Variants in TG observed in about 807,000 individuals in gnomAD.
TG encodes thyroid hormones.
Under a neutral mutation model 324.7 loss-of-function variants are expected in TG, and 270 were observed. That is an observed-to-expected ratio of 0.83 (90% confidence interval 0.75 to 0.92). The LOEUF is 0.92. Among genes scored for constraint, TG ranks in the 40% least tolerant of loss-of-function variants. The pLI, the probability that TG is intolerant of heterozygous loss-of-function variation, is 0.00. For synonymous variants in TG, 1,401 were observed against 1,327.0 expected, an observed-to-expected ratio of 1.06 and a Z score of -1.21; for missense variants, 3,591 against 3,456.4, an observed-to-expected ratio of 1.04 and a Z score of -0.98.
At chr8:133,066,151 G>A (rs768836190) in intron 41 of TG, among the ~76,000 whole-genome samples, 8 of 151,964 alleles carry the variant, frequency 5.3e-5, no homozygotes, top group Non-Finnish European at 1.0e-4. Flanking sequence ...GTGAAACCCC[G>A]TCTCTACTAA....
At position 133,096,391 on chromosome 8, in the gene TG, C is replaced by T; in HGVS notation, c.7572+18C>T. On this transcript the variant is annotated intron_variant, in intron 43 of 47. Transcript: ENST00000220616. ...CTGTGAAGGTAAGCAGGGAGGGGGC[C>T]TCGGATGTCTCCAGCTGGGCATTTC... 6.2e-7 allele frequency: 1 copy of T among 1,614,008 alleles called. No homozygotes were observed. Among genetic ancestry groups the T allele is most frequent in the Non-Finnish European group, 8.5e-7 (1 of 1,179,912 alleles).
Position 133,019,814 on chromosome 8 carries a change from G to C in TG, c.6876+119G>C, listed in dbSNP as rs1835395294. ...TCTGTGGCCTGCTGAGCTGAGGTTA[G>C]GTGATTTGCCTAAGGACACTCAGTT... On this transcript the variant is annotated intron_variant, in intron 39 of 47. Transcript: ENST00000220616. The C allele has an allele frequency of 3.6e-6, 3 of 836,878 alleles. No homozygotes were observed. The South Asian group carries it at 4.2e-5, about 12-fold the overall frequency. The allele number at this position is 836,878 out of a possible 1,614,324, so 51.8% of individuals were successfully genotyped here.
chr8:132,956,188 G>A (rs991451592), intron 27 of TG, among the ~76,000 whole-genome samples: 5 of 152,132 alleles, frequency 3.3e-5, no homozygotes, highest in African/African-American at 1.2e-4. Flanking sequence ...CTAATTTGGG[G>A]CTAACCTTCT....
intron 41 of TG, among the ~76,000 whole-genome samples, chr8:133,059,628 G>A (rs187795273): frequency 1.6e-4 from 25 of 152,108 alleles, no homozygotes; most frequent in Non-Finnish European, 2.9e-4. Context: ...AGATGTCACA[G>A]GATGGTGCCT....
chr8:133,047,754 C>G (rs1036873339), intron 41 of TG: 1 of 837,154 alleles, frequency 1.2e-6, no homozygotes, highest in African/African-American at 1.7e-5. Flanking sequence ...GAAAATGAAG[C>G]CGTGTAATGA....
Position 133,045,145 on chromosome 8 carries a change from C to A in TG, c.7239+15122C>A, listed in dbSNP as rs1302699413. The A allele has an allele frequency of 2.5e-6, 4 of 1,612,580 alleles. No homozygotes were observed. In the Admixed American group the frequency reaches 6.7e-5, roughly 27 times the overall value. ...AGGAGGTGGAGGATAAGTCAGTGGG[C>A]TCCACCTGTCCTCACCCCAAGGCAC... On this transcript the variant is annotated intron_variant, in intron 41 of 47. Coordinates refer to ENST00000220616, the MANE Select transcript of TG (RefSeq NM_003235.5).
intron 27 of TG, among the ~76,000 whole-genome samples, chr8:132,949,481 C>T (rs780389503): frequency 2.6e-5 from 4 of 152,158 alleles, no homozygotes; most frequent in Non-Finnish European, 5.9e-5. Flanking sequence ...GGGGGACTGC[C>T]AAGTCATGTG....
intron 41 of TG, among the ~76,000 whole-genome samples, chr8:133,057,273 T>TA (rs1201248952): frequency 6.6e-6 from 1 of 152,068 alleles, no homozygotes; most frequent in Admixed American, 6.6e-5. Context: ...AAGGTGGAAA[T>TA]ATGCCATTTC....
chr8:132,950,042 GT>G (rs564675965), intron 27 of TG, among the ~76,000 whole-genome samples: 4 of 152,230 alleles, frequency 2.6e-5, no homozygotes, highest in Non-Finnish European at 5.9e-5. Context: ...AGCCCTCAGG[GT>G]GGGTCCCAGG....
intron 47 of TG, among the ~76,000 whole-genome samples, chr8:133,134,154 G>A (rs1400584483): frequency 6.6e-6 from 1 of 152,196 alleles, no homozygotes; most frequent in African/African-American, 2.4e-5. Flanking sequence ...TAAACACAAT[G>A]CCCTTAGGAA....
chr8:133,009,509 C>G (rs1834313539), intron 35 of TG, among the ~76,000 whole-genome samples: 1 of 151,976 alleles, frequency 6.6e-6, no homozygotes, highest in Non-Finnish European at 1.5e-5. Context: ...CTGGATGAAT[C>G]TTTTCTCTCT....
intron 27 of TG, among the ~76,000 whole-genome samples, chr8:132,955,647 G>A (rs1826755998): frequency 6.6e-6 from 1 of 152,222 alleles, no homozygotes; most frequent in Admixed American, 6.5e-5. Flanking sequence ...AAAGGCCGGT[G>A]GTGGTGGTGT....
intron 37 of TG, among the ~76,000 whole-genome samples, chr8:133,016,657 G>T (rs1270067397): frequency 1.3e-5 from 2 of 152,190 alleles, no homozygotes; most frequent in South Asian, 2.1e-4. Context: ...AAATCTACGT[G>T]TCAGAAATAA....
intron 36 of TG, among the ~76,000 whole-genome samples, chr8:133,012,455 T>G (rs1834606248): frequency 3.3e-5 from 5 of 152,170 alleles, no homozygotes; most frequent in Admixed American, 3.3e-4. Context: ...TGGGAGACAT[T>G]TTTCAATGCA....
chr8:133,017,669 A>G lies in TG; in HGVS notation c.6563-109A>G, dbSNP rs1219765527. 2.7e-6 allele frequency: 3 copies of G among 1,103,254 alleles called. No individual in the cohort carries two copies. In the African/African-American group the frequency reaches 4.6e-5, roughly 17 times the overall value. 68.3% of individuals were successfully genotyped at this position (1,103,254 alleles called of 1,614,324 possible). ...TGAATGATTGACATTTTCAAGGTGCAAAAACCGTGATTTTTCTTTTGTTGA... is the reference window on the plus strand; with the variant it reads ...TGAATGATTGACATTTTCAAGGTGCGAAAACCGTGATTTTTCTTTTGTTGA... On this transcript the variant is annotated intron_variant, in intron 37 of 47. Transcript: ENST00000220616.
chr8:132,897,859 T>G, intron 12 of TG, 73 bp downstream of exon 12: 1 of 1,577,050 alleles, frequency 6.3e-7, no homozygotes, highest in Non-Finnish European at 8.7e-7. Context: ...AGCCCCACAC[T>G]GGGAGGCAAG....
intron 41 of TG, among the ~76,000 whole-genome samples, chr8:133,066,450 C>A (rs1358800048): frequency 2.0e-5 from 3 of 151,994 alleles, no homozygotes; most frequent in African/African-American, 4.8e-5. Context: ...AATGCATACA[C>A]GTGGAAAAAT....
chr8:132,946,681 A>G (rs935734021), intron 26 of TG, among the ~76,000 whole-genome samples: 6 of 152,098 alleles, frequency 3.9e-5, no homozygotes, highest in African/African-American at 1.4e-4. Flanking sequence ...ACTGAGAGTT[A>G]TTAATGAAAA....
At position 132,901,243 on chromosome 8, in the gene TG, C is replaced by A. The variant is rs1817881930; in HGVS notation, c.3434-110C>A. On this transcript the variant is annotated intron_variant, in intron 15 of 47. Transcript: ENST00000220616. Reference sequence around the variant, plus strand: ...GGCAGCCCCAGACCCCTGGAAGGCCCTGCAGGCAGGTGGGCTGAGGGTGGC... The same window carrying A: ...GGCAGCCCCAGACCCCTGGAAGGCCATGCAGGCAGGTGGGCTGAGGGTGGC... 3.0e-6 allele frequency: 4 copies of A among 1,341,262 alleles called. No homozygotes were observed. The Admixed American group carries it at 6.8e-5, about 23-fold the overall frequency. 83.1% of individuals were successfully genotyped at this position (1,341,262 alleles called of 1,614,324 possible).
Sources: allele counts gnomAD v4.1 joint callset (sites outside exome capture counted in the v4.1 genomes callset), GRCh38; gene constraint gnomAD v4.1.1; transcripts MANE v1.5; gene names NCBI Gene and HGNC (gene_info 2026-07-23, HGNC 2026-07-21).